The following RAP1A variants were observed in gnomAD, a reference collection of about 807,000 sequenced individuals.
RAP1A encodes the protein RAP1A, member of RAS oncogene family.
Under a neutral mutation model 26.4 loss-of-function variants are expected in RAP1A, and 6 were observed. The observed-to-expected ratio is 0.23, with a 90% confidence interval of 0.12 to 0.45. The LOEUF (loss-of-function observed/expected upper bound fraction) is 0.45, where lower values mean the gene tolerates loss of function less well. Among genes scored for constraint, RAP1A ranks in the 20% least tolerant of loss-of-function variants. The probability of loss-of-function intolerance (pLI) is 0.99; values close to 1 mark genes in which losing one functional copy is unlikely to be tolerated. For synonymous variants in RAP1A, 73 were observed against 79.4 expected (o/e 0.92, Z 0.43); for missense variants, 121 against 217.2 (o/e 0.56, Z 2.78).
intron 1 of RAP1A, among the ~76,000 whole-genome samples, chr1:111,546,861 T>A (rs148286283): frequency 1.3e-3 from 204 of 152,336 alleles, no homozygotes; most frequent in African/African-American, 4.6e-3. Context: ...GTTTTCACAG[T>A]GGCTGCACCA....
At chr1:111,556,241 T>C (rs1657487426) in intron 1 of RAP1A, among the ~76,000 whole-genome samples, 4 of 152,208 alleles carry the variant, frequency 2.6e-5, no homozygotes. Flanking sequence ...CTTATAAGTA[T>C]GGCTATTACC....
At chr1:111,668,409 G>A (rs559372835) in intron 1 of RAP1A, among the ~76,000 whole-genome samples, 1 of 152,266 alleles carries the variant, frequency 6.6e-6, no homozygotes, top group South Asian at 2.1e-4. Flanking sequence ...AAAAATATAA[G>A]AATGATGGGA....
intron 1 of RAP1A, among the ~76,000 whole-genome samples, chr1:111,548,259 G>A (rs1038790460): frequency 4.6e-5 from 7 of 152,166 alleles, no homozygotes; most frequent in African/African-American, 2.4e-5. Flanking sequence ...GGCCTCAAGC[G>A]ACCCACCCAC....
chr1:111,551,102 T>G (rs561525173), intron 1 of RAP1A, among the ~76,000 whole-genome samples: 2 of 152,354 alleles, frequency 1.3e-5, no homozygotes, highest in East Asian at 3.9e-4. Context: ...TTTCTCATTC[T>G]TTTACTTTCA....
intron 1 of RAP1A, 82 bp downstream of exon 1, chr1:111,620,016 A>C (rs1659137105): frequency 1.3e-5 from 5 of 395,608 alleles, no homozygotes; most frequent in East Asian, 3.6e-5. Context: ...GAGGCGGCTC[A>C]TGTCGCCGGT....
intron 1 of RAP1A, among the ~76,000 whole-genome samples, chr1:111,556,040 C>T (rs190596162): frequency 8.5e-5 from 13 of 152,190 alleles, no homozygotes; most frequent in South Asian, 2.1e-4. Flanking sequence ...ATATATAAAA[C>T]GCACAAGAAA....
At chr1:111,639,474 T>C (rs1006764998) in intron 1 of RAP1A, among the ~76,000 whole-genome samples, 12 of 151,680 alleles carry the variant, frequency 7.9e-5, no homozygotes, top group African/African-American at 2.9e-4. Context: ...CTGAGACTAT[T>C]CTTTCTTTAA....
At chr1:111,617,001 A>T (rs909110480), upstream of RAP1A, among the ~76,000 whole-genome samples, 1 of 152,192 alleles carries the variant, frequency 6.6e-6, no homozygotes, top group African/African-American at 2.4e-5. Context: ...AAACTGGGAA[A>T]AGGTCCATAC....
chr1:111,619,052 C>A (rs1050689289), upstream of RAP1A, among the ~76,000 whole-genome samples: 3 of 152,242 alleles, frequency 2.0e-5, no homozygotes, highest in African/African-American at 7.2e-5. Context: ...ACAGGCTTCA[C>A]TGGATCTGGC....
intron 1 of RAP1A, among the ~76,000 whole-genome samples, chr1:111,621,382 A>G (rs1351393829): frequency 5.3e-5 from 8 of 152,130 alleles, no homozygotes; most frequent in Non-Finnish European, 1.0e-4. Flanking sequence ...TGTCTTTATT[A>G]TGCTTTCCTA....
At chr1:111,684,999 C>G (rs1661425816) in intron 1 of RAP1A, among the ~76,000 whole-genome samples, 1 of 152,180 alleles carries the variant, frequency 6.6e-6, no homozygotes, top group Non-Finnish European at 1.5e-5. Context: ...ACCATCTGAT[C>G]TTTGATGAAC....
chr1:111,574,260 TGGCTGTAGGTGTGC>T (rs1658105357), intron 1 of RAP1A, among the ~76,000 whole-genome samples: 1 of 152,214 alleles, frequency 6.6e-6, no homozygotes, highest in Admixed American at 6.5e-5. Flanking sequence ...GAAGATCAGA[TGGCTGTAGGTGTGC>T]GGCCTTATTT....
chr1:111,681,893 G>A (rs188419741), intron 1 of RAP1A, among the ~76,000 whole-genome samples: 24 of 152,158 alleles, frequency 1.6e-4, no homozygotes, highest in African/African-American at 5.3e-4. Context: ...ACACATAATC[G>A]TCAGATTCAC....
chr1:111,601,489 T>C (rs2364831), intron 1 of RAP1A, among the ~76,000 whole-genome samples: 56,773 of 152,098 alleles, frequency 0.37, 11,703 homozygotes, highest in Middle Eastern at 0.48. Context: ...CAGGTTAACG[T>C]GAATGGGGGT....
upstream of RAP1A, among the ~76,000 whole-genome samples, chr1:111,616,700 A>G (rs2101083300): frequency 6.6e-6 from 1 of 152,218 alleles, no homozygotes; most frequent in African/African-American, 2.4e-5. Flanking sequence ...CCCCAGCAAA[A>G]CTCAGACCTG....
intron 1 of RAP1A, among the ~76,000 whole-genome samples, chr1:111,636,251 G>A (rs962990684): frequency 1.3e-5 from 2 of 152,004 alleles, no homozygotes; most frequent in African/African-American, 4.8e-5. Context: ...ATTAAAAACT[G>A]TTTCTTTGTG....
At chr1:111,650,844 GGA>G (rs1660244732) in intron 1 of RAP1A, among the ~76,000 whole-genome samples, 1 of 151,750 alleles carries the variant, frequency 6.6e-6, no homozygotes, top group South Asian at 2.1e-4. Flanking sequence ...CGCCCAGGCT[GGA>G]GTACAGTGGC....
chr1:111,672,707 A>G (rs1016659234), intron 1 of RAP1A, among the ~76,000 whole-genome samples: 23 of 152,308 alleles, frequency 1.5e-4, no homozygotes, highest in African/African-American at 5.1e-4. Context: ...CAGCAGCACC[A>G]TGTTGGCTGG....
intron 1 of RAP1A, among the ~76,000 whole-genome samples, chr1:111,611,362 A>G (rs1658924086): frequency 6.6e-6 from 1 of 152,240 alleles, no homozygotes; most frequent in African/African-American, 2.4e-5. Context: ...CCTTTATACC[A>G]TAAATAGTGA....
Sources: allele counts gnomAD v4.1 joint callset (sites outside exome capture counted in the v4.1 genomes callset), GRCh38; gene constraint gnomAD v4.1.1; transcripts MANE v1.5; gene names NCBI Gene and HGNC (gene_info 2026-07-23, HGNC 2026-07-21).